Variants in CIITA observed in about 807,000 individuals in gnomAD.
The protein encoded by CIITA is MHC class II transactivator.
Under a neutral mutation model 115.1 loss-of-function variants are expected in CIITA, and 72 were observed. That is an observed-to-expected ratio of 0.63 (90% confidence interval 0.52 to 0.76). CIITA has a LOEUF of 0.76. Among genes scored for constraint, CIITA ranks in the 30% least tolerant of loss-of-function variants. The probability of loss-of-function intolerance (pLI) is 0.00; values close to 1 mark genes in which losing one functional copy is unlikely to be tolerated. For missense variants in CIITA, 1,617 were observed against 1,463.8 expected, an observed-to-expected ratio of 1.10 and a Z score of -1.71; for synonymous variants, 763 against 635.6, an observed-to-expected ratio of 1.20 and a Z score of -3.02.
intron 1 of CIITA, among the ~76,000 whole-genome samples, chr16:10,883,834 T>C (rs2036656728): frequency 3.3e-5 from 5 of 151,858 alleles, no homozygotes; most frequent in Admixed American, 3.3e-4. Context: ...ACAACAGAGG[T>C]CTTAGCCAAT....
At chr16:10,921,668 A>C (rs958999104) in intron 16 of CIITA, among the ~76,000 whole-genome samples, 1 of 152,222 alleles carries the variant, frequency 6.6e-6, no homozygotes, top group East Asian at 1.9e-4. Context: ...GAACTTGGGA[A>C]GTTGTTCTGA....
chr16:10,883,537 T>C (rs2036630288), intron 1 of CIITA, among the ~76,000 whole-genome samples: 1 of 152,160 alleles, frequency 6.6e-6, no homozygotes, highest in Admixed American at 6.5e-5. Context: ...TCCAAGTTGT[T>C]ATGAGGTCAG....
rs1364604333 is a variant in CIITA at position 10,927,168 on chromosome 16, C to G, written c.*3313C>G. 1 of 152,236 alleles carries G rather than the reference C, an allele frequency of 6.6e-6. No homozygotes were observed. The highest frequency in any genetic ancestry group is 1.5e-5 in the Non-Finnish European group (1 of 68,048). 9.4% of individuals were successfully genotyped at this position (152,236 alleles called of 1,614,324 possible). A position where few individuals can be genotyped will look rare whatever the true frequency, so the allele number is the denominator to read the frequency against. On this transcript the variant is annotated 3_prime_UTR_variant, in exon 20 of 20. Transcript: ENST00000324288. ...TGGAGCTCAATAACATGTTGGCTGT[C>G]ATTATTACATATATCTGTGTTTCAT...
At chr16:10,902,592 G>T (rs8045125) in intron 7 of CIITA, 66 bp from the exon 8 acceptor site, 134,163 of 1,602,730 alleles carry the variant, frequency 0.084, 6,267 homozygotes, top group African/African-American at 0.16. Flanking sequence ...AATCAAATAA[G>T]CAAAAGCAGA....
At chr16:10,939,752 G>A (rs1175500799), downstream of CIITA, 1 of 152,242 alleles carries the variant, frequency 6.6e-6, no homozygotes, top group African/African-American at 2.4e-5. This position sits in a 1 kb window ranked among gnomAD's most constrained non-coding sequence, Gnocchi z 4.9. Flanking sequence ...TTTAAGTGTT[G>A]AGGACATGGC....
chr16:10,935,894 G>C lies in CIITA; in HGVS notation c.*12039G>C, dbSNP rs750725662. 6.6e-6 allele frequency: 1 copy of C among 152,134 alleles called. No individual in the cohort carries two copies. Among genetic ancestry groups the C allele is most frequent in the Non-Finnish European group, 1.5e-5 (1 of 68,052 alleles). 9.4% of individuals were successfully genotyped at this position (152,134 alleles called of 1,614,324 possible). Reference sequence around the variant, plus strand: ...ACAGACTGAAGAGCTGATCCAGACTGAAGAAGGCTCGAGATTAATGCAAAA... The same window carrying C: ...ACAGACTGAAGAGCTGATCCAGACTCAAGAAGGCTCGAGATTAATGCAAAA... On this transcript the variant is annotated 3_prime_UTR_variant, in exon 20 of 20. Transcript: ENST00000324288.
intron 1 of CIITA, among the ~76,000 whole-genome samples, chr16:10,894,636 C>T (rs1386356845): frequency 6.6e-6 from 1 of 152,166 alleles, no homozygotes; most frequent in African/African-American, 2.4e-5. Context: ...TGCCCTTCAA[C>T]AAATGATGAG....
downstream of CIITA, chr16:10,939,628 G>T (rs1384107339): frequency 6.6e-6 from 1 of 152,222 alleles, no homozygotes; most frequent in Non-Finnish European, 1.5e-5. This position sits in a 1 kb window ranked among gnomAD's most constrained non-coding sequence, Gnocchi z 4.9. Flanking sequence ...TCCTTAGAGA[G>T]GCTTTCTCTG....
rs1403283202 is a variant in CIITA at position 10,934,818 on chromosome 16, G to A, written c.*10963G>A. On this transcript the variant is annotated 3_prime_UTR_variant, in exon 20 of 20. Coordinates refer to ENST00000324288, the MANE Select transcript of CIITA (RefSeq NM_000246.4). The surrounding 1 kb of genome is among the most constrained non-coding windows in gnomAD (Gnocchi z 4.2). ...CCACTCCAAGCTTGGGGCCTGGGAT[G>A]GCAGCTGTGAGGGCACCAGCACCAT... The A allele has an allele frequency of 6.6e-6, 1 of 152,268 alleles. No homozygotes were observed. The highest frequency in any genetic ancestry group is 1.9e-4 in the East Asian group (1 of 5,194). 9.4% of individuals were successfully genotyped at this position (152,268 alleles called of 1,614,324 possible). A position where few individuals can be genotyped will look rare whatever the true frequency, so the allele number is the denominator to read the frequency against.
rs1272616063 is a variant in CIITA at position 10,924,936 on chromosome 16, T to C, written c.*1081T>C. 1.3e-5 allele frequency: 2 copies of C among 152,242 alleles called. No individual in the cohort carries two copies. The highest frequency in any genetic ancestry group is 2.9e-5 in the Non-Finnish European group (2 of 68,028). 9.4% of individuals were successfully genotyped at this position (152,242 alleles called of 1,614,324 possible). On this transcript the variant is annotated 3_prime_UTR_variant, in exon 20 of 20. Transcript: ENST00000324288. ...CCCACTGCTCTGGTTATCTAATATG[T>C]AACAAGCCACCCCAAATCATAGTGG...
At chr16:10,902,590 A>T (rs1056990364) in intron 7 of CIITA, 68 bp from the exon 8 acceptor site, 2 of 1,600,518 alleles carry the variant, frequency 1.2e-6, no homozygotes, top group Non-Finnish European at 1.7e-6. Flanking sequence ...TTAATCAAAT[A>T]AGCAAAAGCA....
chr16:10,898,228 T>C (rs2038336752), intron 3 of CIITA, among the ~76,000 whole-genome samples: 1 of 152,192 alleles, frequency 6.6e-6, no homozygotes, highest in Admixed American at 6.5e-5. Context: ...CCAGCTACTG[T>C]GTTGGATGCT....
In CIITA at chr16:10,887,728, C is replaced by A. The variant is rs576279448; in HGVS notation, c.53-7554C>A. On this transcript the variant is annotated intron_variant, in intron 1 of 19. Coordinates refer to ENST00000324288, the MANE Select transcript of CIITA (RefSeq NM_000246.4). The stretch of plus-strand genomic sequence containing the variant: ...CAGGCTGGTCTTGAACTCCTGACCT[C>A]AAGTAATCCGCCAGCCTCGGCCTCT... 3.3e-4 allele frequency among the ~76,000 whole-genome samples: 51 copies of A among 152,256 alleles called. 1 individual carries two copies. Among genetic ancestry groups the A allele is most frequent in the African/African-American group, 1.2e-3 (50 of 41,562 alleles).
intron 1 of CIITA, among the ~76,000 whole-genome samples, chr16:10,885,730 A>G (rs1183335902): frequency 1.3e-5 from 2 of 152,174 alleles, no homozygotes; most frequent in East Asian, 3.9e-4. Flanking sequence ...CCATCACCAG[A>G]CAGCCTGTGG....
At chr16:10,904,964 T>C in intron 10 of CIITA, 152 bp downstream of exon 10, 2 of 832,200 alleles carry the variant, frequency 2.4e-6, no homozygotes, top group Admixed American at 4.1e-5. Flanking sequence ...TTCACTTATT[T>C]GATTATGCCA....
intron 8 of CIITA, 102 bp downstream of exon 8, chr16:10,902,903 C>A: frequency 9.4e-6 from 13 of 1,386,546 alleles, no homozygotes; most frequent in Non-Finnish European, 1.3e-5. Flanking sequence ...GGTGCCCTAG[C>A]ACCTTCTCAT....
intron 1 of CIITA, 152 bp from the exon 2 acceptor site, chr16:10,895,130 C>A: frequency 1.2e-6 from 1 of 834,826 alleles, no homozygotes; most frequent in Non-Finnish European, 1.9e-6. Flanking sequence ...CTTGCTCTCT[C>A]CACCACGCTG....
intron 1 of CIITA, among the ~76,000 whole-genome samples, chr16:10,868,214 C>G (rs764982507): frequency 3.2e-4 from 48 of 152,268 alleles, no homozygotes; most frequent in Middle Eastern, 3.4e-3. Flanking sequence ...ACCTTGAGCC[C>G]TTTGATCCCC....
Position 10,923,011 on chromosome 16 carries a change from G to A in CIITA, c.3318-217G>A. On this transcript the variant is annotated intron_variant, in intron 18 of 19. Transcript: ENST00000324288. This position sits in a 1 kb window ranked among gnomAD's most constrained non-coding sequence, Gnocchi z 5.2. ...ACAGAGCAGTTAACTAACCTTTCTGGGGTCACACAGCAAGTCAGCTGCAGA... is the reference window on the plus strand; with the variant it reads ...ACAGAGCAGTTAACTAACCTTTCTGAGGTCACACAGCAAGTCAGCTGCAGA... 3.4e-6 allele frequency: 2 copies of A among 593,344 alleles called. No homozygotes were observed. The highest frequency in any genetic ancestry group is 6.0e-6 in the Non-Finnish European group (2 of 331,420). 36.8% of individuals were successfully genotyped at this position (593,344 alleles called of 1,614,324 possible).
Sources: gnomAD v4.1 joint callset for allele counts (sites outside exome capture counted in the v4.1 genomes callset) on GRCh38, gnomAD v4.1.1 for gene constraint, Gnocchi (gnomAD v3.1) non-coding constraint, MANE v1.5 for transcripts, NCBI Gene and HGNC (gene_info 2026-07-23, HGNC 2026-07-21) for gene names.